Variants in TRPM8 observed in about 807,000 individuals in gnomAD.
The protein encoded by TRPM8 is transient receptor potential cation channel subfamily M member 8, also known as TRPM8 cationic channel.
TRPM8 carries 110 observed loss-of-function variants against 133.7 expected under a neutral mutation model. The ratio of observed to expected loss-of-function variants is 0.82; its 90% CI spans 0.70 to 0.96. The LOEUF is 0.96. Among genes scored for constraint, TRPM8 ranks in the 40% least tolerant of loss-of-function variants. The probability of loss-of-function intolerance (pLI) is 0.00; values close to 1 mark genes in which losing one functional copy is unlikely to be tolerated. For synonymous variants in TRPM8, 535 were observed against 532.3 expected (o/e 1.01, Z -0.07); for missense variants, 1,291 against 1,379.5 (o/e 0.94, Z 1.02).
intron 11 of TRPM8, among the ~76,000 whole-genome samples, chr2:233,958,426 C>G (rs1691347279): frequency 6.6e-6 from 1 of 152,164 alleles, no homozygotes; most frequent in South Asian, 2.1e-4. Context: ...TGGTGGCGGC[C>G]TGGGAATAAC....
At chr2:233,941,046 G>A (rs1054657154) in intron 5 of TRPM8, among the ~76,000 whole-genome samples, 4 of 152,306 alleles carry the variant, frequency 2.6e-5, no homozygotes, top group East Asian at 1.9e-4. Flanking sequence ...CATCTCTTGG[G>A]CATTTGTGCA....
chr2:233,963,868 A>T (rs10490014), intron 13 of TRPM8, among the ~76,000 whole-genome samples: 2 of 151,932 alleles, frequency 1.3e-5, no homozygotes, highest in Admixed American at 6.6e-5. Context: ...TTAAAGTTAC[A>T]TTGTTCAGGT....
At chr2:233,921,193 A>G (rs1026200030) in intron 1 of TRPM8, among the ~76,000 whole-genome samples, 16 of 152,106 alleles carry the variant, frequency 1.1e-4, no homozygotes, top group African/African-American at 3.9e-4. Context: ...GCATTCATTC[A>G]TGTGTGTATA....
chr2:234,010,980 A>T (rs1272526485), intron 24 of TRPM8, among the ~76,000 whole-genome samples: 1 of 152,190 alleles, frequency 6.6e-6, no homozygotes, highest in Non-Finnish European at 1.5e-5. Context: ...TGTTTTACAT[A>T]ATCCCACTTG....
intron 22 of TRPM8, among the ~76,000 whole-genome samples, chr2:233,998,485 C>T (rs1195662265): frequency 6.6e-6 from 1 of 152,008 alleles, no homozygotes; most frequent in African/African-American, 2.4e-5. Context: ...GGTGAGCAGC[C>T]TGCGCCCAAC....
intron 5 of TRPM8, 37 bp from the exon 6 acceptor site, chr2:233,942,539 T>G: frequency 6.2e-6 from 10 of 1,612,570 alleles, no homozygotes; most frequent in Non-Finnish European, 7.6e-6. Flanking sequence ...CTTTGCCCAG[T>G]GCCACTTGAC....
rs1691424038 is a variant in TRPM8, at chr2:233,922,102, C to T, written c.-5-4431C>T. On this transcript the variant is annotated intron_variant, in intron 1 of 25. Transcript: ENST00000324695. ...TTACAGTCGCAAGGGTCTCTGTCTCCAACATCAATTAAGTCTAGGTTAGAA... is the reference window on the plus strand; with the variant it reads ...TTACAGTCGCAAGGGTCTCTGTCTCTAACATCAATTAAGTCTAGGTTAGAA... 4.4e-5 allele frequency among the ~76,000 whole-genome samples: 5 copies of T among 114,604 alleles called. No individual in the cohort carries two copies. In the South Asian group the frequency reaches 1.4e-3, roughly 31 times the overall value. 75.2% of individuals were successfully genotyped at this position (114,604 alleles called of 152,430 possible). A position where few individuals can be genotyped will look rare whatever the true frequency, so the allele number is the denominator to read the frequency against.
chr2:233,972,821 C>T (rs776755977), intron 17 of TRPM8, among the ~76,000 whole-genome samples: 13 of 152,294 alleles, frequency 8.5e-5, no homozygotes, highest in African/African-American at 2.9e-4. Flanking sequence ...AAGCTCCACA[C>T]GCAGCCCCGG....
intron 18 of TRPM8, among the ~76,000 whole-genome samples, chr2:233,981,000 A>G (rs562468165): frequency 6.6e-6 from 1 of 152,298 alleles, no homozygotes; most frequent in African/African-American, 2.4e-5. Context: ...ACTTGAGCCC[A>G]GGAGTTTGAG....
Position 233,930,754 on chromosome 2 carries a change from T to C in TRPM8, c.191+13T>C. Reference sequence around the variant, plus strand: ...ATTCCAAGGCCACGTAAGCTACTATTTTCCCTCCAGTTTTGCTTTCCAAGT... The same window carrying C: ...ATTCCAAGGCCACGTAAGCTACTATCTTCCCTCCAGTTTTGCTTTCCAAGT... On this transcript the variant is annotated intron_variant, in intron 3 of 25. Coordinates refer to ENST00000324695, the MANE Select transcript of TRPM8 (RefSeq NM_024080.5). The C allele has an allele frequency of 6.3e-7, 1 of 1,589,810 alleles. No homozygotes were observed.
chr2:233,983,275 C>T (rs755756979), intron 20 of TRPM8, 51 bp downstream of exon 20: 78 of 1,609,332 alleles, frequency 4.8e-5, no homozygotes, highest in Non-Finnish European at 6.5e-5. Flanking sequence ...GCATTTGCTC[C>T]CTGAACCAAC....
At chr2:233,953,421 T>A (rs1233754115) in intron 9 of TRPM8, among the ~76,000 whole-genome samples, 2 of 152,252 alleles carry the variant, frequency 1.3e-5, no homozygotes, top group Non-Finnish European at 2.9e-5. Flanking sequence ...TTAAAACGTC[T>A]TAAAATTAAA....
chr2:233,967,270 G>A (rs191447677), intron 15 of TRPM8, among the ~76,000 whole-genome samples: 16 of 152,348 alleles, frequency 1.1e-4, no homozygotes, highest in East Asian at 1.9e-4. Flanking sequence ...GGTAAAAGCT[G>A]TCTAGAGGCT....
chr2:233,943,972 G>GT (rs111991806), intron 6 of TRPM8, among the ~76,000 whole-genome samples: 31 of 151,112 alleles, frequency 2.1e-4, no homozygotes, highest in Admixed American at 5.3e-4. Flanking sequence ...AGTGGGAGGT[G>GT]TTTTTTTTTG....
At chr2:233,939,292 T>C (rs1446395581) in intron 5 of TRPM8, 117 bp downstream of exon 5, 3 of 1,108,706 alleles carry the variant, frequency 2.7e-6, no homozygotes, top group African/African-American at 1.6e-5. Context: ...TAGAAGCATC[T>C]GATTAATCGT....
chr2:233,952,654 G>A (rs1297347355), intron 9 of TRPM8, among the ~76,000 whole-genome samples: 1 of 151,666 alleles, frequency 6.6e-6, no homozygotes, highest in Non-Finnish European at 1.5e-5. Context: ...TCATTAAAAG[G>A]TTTCAAGCAG....
At chr2:234,004,949 G>C (rs1172353930) in intron 22 of TRPM8, among the ~76,000 whole-genome samples, 1 of 152,090 alleles carries the variant, frequency 6.6e-6, no homozygotes, top group Non-Finnish European at 1.5e-5. Flanking sequence ...ATCTTCAATC[G>C]TGGAGTAGTA....
rs201477663 is a variant in TRPM8, at chr2:233,983,199, C to A, written c.2736C>A (p.Phe912Leu). 4 of 1,614,124 alleles carry A rather than the reference C, an allele frequency of 2.5e-6. No individual in the cohort carries two copies. In the South Asian group the frequency reaches 3.3e-5, roughly 13 times the overall value. Residue 912 changes from phenylalanine to leucine, a missense_variant, in exon 20 of 26, where the codon TTC becomes TTA. This residue lies in a region of TRPM8 where 328 missense variants were observed against 410.6 expected (regional missense o/e 0.80). Coordinates refer to ENST00000324695, the MANE Select transcript of TRPM8 (RefSeq NM_024080.5). The stretch of plus-strand genomic sequence containing the variant: ...TCTACGAGCCCTACCTGGCCATGTT[C>A]GGCCAGGTGCCCAGTGACGTGGATG... The part of the protein sequence containing the change: ...SVIYEPYLAM[F>L]GQVPSDVDGT...
In TRPM8 at chr2:233,960,979, G is replaced by A. The variant is rs202060074; in HGVS notation, c.1566G>A (p.Thr522=). The change falls in exon 12 of 26, where the codon ACG becomes ACA. Residue 522 remains threonine (T), a synonymous_variant. Transcript: ENST00000324695. ...AKNSYNDALL[T]FVWKLVANFR... ...ATTCCTATAATGATGCCCTCCTCACGTTTGTCTGGAAACTGGTTGCGAACT... is the reference window on the plus strand; with the variant it reads ...ATTCCTATAATGATGCCCTCCTCACATTTGTCTGGAAACTGGTTGCGAACT... 1.9e-5 allele frequency: 30 copies of A among 1,613,974 alleles called. No homozygotes were observed. In the South Asian group the frequency reaches 2.5e-4, roughly 14 times the overall value.
Sources: gnomAD v4.1 joint callset for allele counts (sites outside exome capture counted in the v4.1 genomes callset) on GRCh38, gnomAD v4.1.1 for gene constraint, gnomAD v4.1.1 regional missense constraint, MANE v1.5 for transcripts, NCBI Gene and HGNC (gene_info 2026-07-23, HGNC 2026-07-21) for gene names.